USP8: variants seen among roughly 807,000 people sequenced by gnomAD.
The protein encoded by USP8 is ubiquitin carboxyl-terminal hydrolase 8.
USP8 carries 27 observed loss-of-function variants against 130.0 expected under a neutral mutation model. That is an observed-to-expected ratio of 0.21 (90% confidence interval 0.15 to 0.29). The LOEUF is 0.29. Ranked by LOEUF, USP8 falls within the 10% of genes least tolerant of loss-of-function variation. The pLI is 1.00. For synonymous variants in USP8, 392 were observed against 444.1 expected, an observed-to-expected ratio of 0.88 and a Z score of 1.48; for missense variants, 1,029 against 1,312.2, an observed-to-expected ratio of 0.78 and a Z score of 3.33.
At chr15:50,482,133 G>C (rs1038674840) in intron 11 of USP8, 68 bp downstream of exon 11, 17 of 1,376,448 alleles carry the variant, frequency 1.2e-5, no homozygotes, top group Non-Finnish European at 1.6e-5. Flanking sequence ...GAAAACACCA[G>C]TGGCATTCCA....
At chr15:50,490,138 G>A (rs2289108) in intron 13 of USP8, 125 bp from the exon 14 acceptor site, 608,881 of 1,094,468 alleles carry the variant, frequency 0.56, 173,312 homozygotes, top group Non-Finnish European at 0.59. Context: ...GAAGTTTATC[G>A]CCATTTTATT....
intron 5 of USP8, among the ~76,000 whole-genome samples, chr15:50,461,977 C>T (rs1474638914): frequency 6.6e-6 from 1 of 152,136 alleles, no homozygotes; most frequent in Non-Finnish European, 1.5e-5. Flanking sequence ...GAAGTACTTT[C>T]TAATCAAATT....
Position 50,482,084 on chromosome 15 carries a change from A to G in USP8, c.1803+19A>G. On this transcript the variant is annotated intron_variant, in intron 11 of 19. Transcript: ENST00000307179. Reference sequence around the variant, plus strand: ...AGGCAAGGTAAGCAGAAACAGTACAAATTGCCAACGAAGTGAAAGAAAATG... The same window carrying G: ...AGGCAAGGTAAGCAGAAACAGTACAGATTGCCAACGAAGTGAAAGAAAATG... 2.0e-6 allele frequency: 3 copies of G among 1,464,154 alleles called. No homozygotes were observed. Among genetic ancestry groups the G allele is most frequent in the Non-Finnish European group, 1.8e-6 (2 of 1,110,428 alleles). The allele number at this position is 1,464,154 out of a possible 1,614,324, so 90.7% of individuals were successfully genotyped here.
chr15:50,500,741 C>A lies in USP8; in HGVS notation c.*1653C>A. On this transcript the variant is annotated 3_prime_UTR_variant, in exon 20 of 20. Coordinates refer to ENST00000307179, the MANE Select transcript of USP8 (RefSeq NM_005154.5). ...TTTTGAACAGAAGTATCTGGAATCTCACTGACTCGTGTGTTATCAAAGCTA... is the reference window on the plus strand; with the variant it reads ...TTTTGAACAGAAGTATCTGGAATCTAACTGACTCGTGTGTTATCAAAGCTA... The A allele has an allele frequency of 6.4e-7, 1 of 1,567,172 alleles. No individual in the cohort carries two copies. The highest frequency in any genetic ancestry group is 2.3e-5 in the East Asian group (1 of 42,906).
intron 4 of USP8, among the ~76,000 whole-genome samples, chr15:50,452,604 C>T (rs1307018338): frequency 6.6e-6 from 1 of 152,190 alleles, no homozygotes; most frequent in Non-Finnish European, 1.5e-5. Context: ...TAGAGCACTA[C>T]TAGAGAAGAA....
intron 7 of USP8, among the ~76,000 whole-genome samples, chr15:50,465,957 A>G (rs2051174970): frequency 6.6e-6 from 1 of 152,224 alleles, no homozygotes; most frequent in Non-Finnish European, 1.5e-5. Flanking sequence ...ATATACACAT[A>G]CACACTTTAG....
At chr15:50,473,095 G>A (rs1050270864) in intron 8 of USP8, among the ~76,000 whole-genome samples, 1 of 152,176 alleles carries the variant, frequency 6.6e-6, no homozygotes, top group Non-Finnish European at 1.5e-5. Flanking sequence ...GCAAGTGGAC[G>A]TAACCATAAA....
At chr15:50,457,728 G>GT (rs951739273) in intron 4 of USP8, among the ~76,000 whole-genome samples, 1 of 151,562 alleles carries the variant, frequency 6.6e-6, no homozygotes, top group Non-Finnish European at 1.5e-5. Flanking sequence ...AGGCATGGTG[G>GT]TGTGTGCCTC....
intron 8 of USP8, among the ~76,000 whole-genome samples, chr15:50,473,130 TA>T (rs1265373344): frequency 2.6e-5 from 4 of 152,306 alleles, no homozygotes; most frequent in Admixed American, 6.5e-5. Context: ...TAGTATCAGA[TA>T]AATGCATATT....
intron 2 of USP8, among the ~76,000 whole-genome samples, chr15:50,440,794 G>A (rs901027114): frequency 3.3e-5 from 5 of 152,056 alleles, no homozygotes; most frequent in African/African-American, 1.2e-4. Flanking sequence ...CTTGAGGTCA[G>A]GAGTTCAAGA....
intron 1 of USP8, among the ~76,000 whole-genome samples, chr15:50,435,429 T>C (rs959947221): frequency 6.6e-6 from 1 of 152,226 alleles, no homozygotes; most frequent in Non-Finnish European, 1.5e-5. Context: ...AGTAAGGTTA[T>C]ATGCAAATCT....
rs369875851 is a variant in USP8 at position 50,490,537 on chromosome 15, T to G, written c.2234+12T>G. ...AATCGGGAAAACAAGTATGTTTATC[T>G]TAACTCCTAGAACTAAAATAATGTG... On this transcript the variant is annotated intron_variant, in intron 14 of 19. Coordinates refer to ENST00000307179, the MANE Select transcript of USP8 (RefSeq NM_005154.5). 7.4e-6 allele frequency: 12 copies of G among 1,611,708 alleles called. No individual in the cohort carries two copies. Among genetic ancestry groups the G allele is most frequent in the Non-Finnish European group, 1.0e-5 (12 of 1,179,472 alleles).
At chr15:50,456,174 C>T (rs1488823280) in intron 4 of USP8, among the ~76,000 whole-genome samples, 1 of 152,140 alleles carries the variant, frequency 6.6e-6, no homozygotes, top group Non-Finnish European at 1.5e-5. Context: ...GAAAGGATAG[C>T]ATTTTTAAAG....
intron 1 of USP8, among the ~76,000 whole-genome samples, chr15:50,430,638 A>T (rs538647750): frequency 6.6e-6 from 1 of 152,156 alleles, no homozygotes; most frequent in East Asian, 1.9e-4. Flanking sequence ...CAAATCCTAG[A>T]TAACATAATT....
At position 50,497,108 on chromosome 15, in the gene USP8, C is replaced by T. The variant is rs986830418; in HGVS notation, c.2915C>T (p.Ser972Phe). ...TGCCAGGATTGCCTTAGATTATTTT[C>T]CAAAGAAGAAAAACTCACAGATAAC... Reference protein sequence around the residue: ...CTLQDCLRLFSKEEKLTDNNR... With the variant: ...CTLQDCLRLFFKEEKLTDNNR... The change falls in exon 18 of 20, where the codon TCC becomes TTC. Residue 972 changes from serine (S) to phenylalanine (F), a missense_variant. Physicochemically the swap from Ser to Phe is radical, Grantham distance 155. Transcript: ENST00000307179. 2 of 1,599,638 alleles carry T rather than the reference C, an allele frequency of 1.3e-6. No homozygotes were observed. The highest frequency in any genetic ancestry group is 1.7e-6 in the Non-Finnish European group (2 of 1,174,836).
In USP8 at chr15:50,495,203, T is replaced by C. The variant is rs530278433; in HGVS notation, c.2659-645T>C. ...ACCACTGAACAGATATATATATATA[T>C]ACACACACACCTACACAAAAATATT... On this transcript the variant is annotated intron_variant, in intron 16 of 19. Transcript: ENST00000307179. Among the ~76,000 whole-genome samples, 202 of 149,058 alleles carry C rather than the reference T, an allele frequency of 1.4e-3. 3 individuals carry two copies. The Middle Eastern group carries it at 0.014, about 11-fold the overall frequency.
chr15:50,471,420 TA>T (rs1264233921), intron 7 of USP8, among the ~76,000 whole-genome samples: 3 of 152,156 alleles, frequency 2.0e-5, no homozygotes, highest in East Asian at 3.9e-4. Context: ...CTCTAATAAC[TA>T]CTAAAACTAT....
At chr15:50,468,075 A>G (rs1292613940) in intron 7 of USP8, among the ~76,000 whole-genome samples, 1 of 151,594 alleles carries the variant, frequency 6.6e-6, no homozygotes, top group African/African-American at 2.4e-5. Context: ...AGCTGGGATT[A>G]CAGGCACGTG....
intron 17 of USP8, among the ~76,000 whole-genome samples, chr15:50,496,426 A>C (rs1404506808): frequency 2.0e-5 from 3 of 148,352 alleles, no homozygotes; most frequent in African/African-American, 7.5e-5. Flanking sequence ...GTTTACAGTG[A>C]GCTGAGATCT....
Sources: allele counts gnomAD v4.1 joint callset (sites outside exome capture counted in the v4.1 genomes callset), GRCh38; gene constraint gnomAD v4.1.1; transcripts MANE v1.5; gene names NCBI Gene and HGNC (gene_info 2026-07-23, HGNC 2026-07-21).